The following NMBR variants were observed in gnomAD, a reference collection of about 807,000 sequenced individuals.
The protein encoded by NMBR is neuromedin B receptor.
NMBR carries 16 observed loss-of-function variants against 20.5 expected under a neutral mutation model. That is an observed-to-expected ratio of 0.78 (90% CI 0.53 to 1.19). NMBR has a LOEUF of 1.19. Ranked by LOEUF, NMBR falls within the 50% of genes most tolerant of loss-of-function variation. The pLI is 0.00. For missense variants in NMBR, 582 were observed against 499.1 expected (o/e 1.17, Z -1.58); for synonymous variants, 212 against 196.6 (o/e 1.08, Z -0.65).
chr6:142,145,893 T>G (rs1287391816), intron 1 of NMBR, among the ~76,000 whole-genome samples: 1 of 152,106 alleles, frequency 6.6e-6, no homozygotes, highest in Non-Finnish European at 1.5e-5. Context: ...AAGTTGATCT[T>G]TAAGGGCAGC....
At chr6:142,085,401 G>A (rs953689785) in intron 2 of NMBR, among the ~76,000 whole-genome samples, 3 of 152,128 alleles carry the variant, frequency 2.0e-5, no homozygotes, top group African/African-American at 7.2e-5. Context: ...GCGTGTGCCT[G>A]TAATCTCAGC....
intron 1 of NMBR, among the ~76,000 whole-genome samples, chr6:142,136,747 T>C (rs1778265413): frequency 6.6e-6 from 1 of 152,232 alleles, no homozygotes; most frequent in Non-Finnish European, 1.5e-5. Context: ...ATTTATTAAA[T>C]AGGGAATCCT....
At chr6:142,125,180 T>A (rs1034821165) in intron 1 of NMBR, among the ~76,000 whole-genome samples, 1 of 151,810 alleles carries the variant, frequency 6.6e-6, no homozygotes, top group East Asian at 1.9e-4. Context: ...AGTACCTAAA[T>A]TGACCTCTAT....
In NMBR at chr6:142,088,531, C is replaced by G. The variant is rs372711016; in HGVS notation, c.128G>C (p.Arg43Pro). 6.2e-7 allele frequency: 1 copy of G among 1,613,910 alleles called. No individual in the cohort carries two copies. Among genetic ancestry groups the G allele is most frequent in the Admixed American group, 1.7e-5 (1 of 59,984 alleles). Residue 43 changes from arginine (R) to proline (P), a missense_variant, in exon 2 of 4, where the codon CGC becomes CCC. Physicochemically the swap from Arg to Pro is moderately radical, Grantham distance 103. Coordinates refer to ENST00000258042, the MANE Select transcript of NMBR (RefSeq NM_002511.4). ...CAGGTAGAGGGACGGGATCACACAG[C>G]GGATCACCAACTCCGTGGTGGTCCC... ...SDGTTTELVIRCVIPSLYLLI... is the reference protein window; with the variant it reads ...SDGTTTELVIPCVIPSLYLLI...
At chr6:142,109,571 C>G (rs1001122630) in intron 1 of NMBR, among the ~76,000 whole-genome samples, 6 of 150,404 alleles carry the variant, frequency 4.0e-5, no homozygotes, top group Non-Finnish European at 7.4e-5. Flanking sequence ...CCTCTGCCTC[C>G]CAGGCCAATC....
chr6:142,134,151 A>G lies in NMBR; in HGVS notation c.-664+12893T>C. The G allele has an allele frequency of 6.0e-6, 3 of 502,310 alleles. No individual in the cohort carries two copies. The South Asian group carries it at 1.1e-4, about 19-fold the overall frequency. 31.1% of individuals were successfully genotyped at this position (502,310 alleles called of 1,614,324 possible). ...AACAGGTTTTTTGTTCCTAAGGATTATGTTACTTTTTCTTTAATTAGCTGT... is the reference window on the plus strand; with the variant it reads ...AACAGGTTTTTTGTTCCTAAGGATTGTGTTACTTTTTCTTTAATTAGCTGT... On this transcript the variant is annotated intron_variant, in intron 1 of 3. Coordinates refer to ENST00000258042, the MANE Select transcript of NMBR (RefSeq NM_002511.4).
chr6:142,146,705 T>C (rs142972456), intron 1 of NMBR, among the ~76,000 whole-genome samples: 1 of 152,346 alleles, frequency 6.6e-6, no homozygotes, highest in East Asian at 1.9e-4. Context: ...TTCATATGTT[T>C]AGCTTAATTT....
chr6:142,079,022 G>GAGAGAGAAAGAAAGAA, intron 2 of NMBR, 119 bp from the exon 3 acceptor site: 1 of 546,180 alleles, frequency 1.8e-6, no homozygotes, highest in Non-Finnish European at 3.0e-6. Flanking sequence ...GAAAGGGAGA[G>GAGAGAGAAAGAAAGAA]AGAGAGAAAG....
In NMBR at chr6:142,076,032, G is replaced by T; in HGVS notation, c.789C>A (p.Arg263=). 1 of 1,581,326 alleles carries T rather than the reference G, an allele frequency of 6.3e-7. No homozygotes were observed. Among genetic ancestry groups the T allele is most frequent in the Non-Finnish European group, 8.6e-7 (1 of 1,166,236 alleles). The change falls in exon 4 of 4, where the codon CGC becomes CGA. Residue 263 remains arginine (R), a synonymous_variant. Transcript: ENST00000258042. ...HTKKQMETRK[R]LAKIVLVFVG... is the part of the protein sequence containing the mutation. ...CAAAGACAAGCACAATTTTAGCCAG[G>T]CGTTTCCGTGTTTCCATCTGCAAAT... is the stretch of plus-strand genomic sequence containing the variant.
At chr6:142,122,134 C>T (rs1456748912) in intron 1 of NMBR, among the ~76,000 whole-genome samples, 4 of 151,946 alleles carry the variant, frequency 2.6e-5, no homozygotes, top group African/African-American at 9.7e-5. Context: ...AATAAAGTCA[C>T]TTTCCTTTCA....
chr6:142,134,663 T>C, intron 1 of NMBR: 1 of 695,552 alleles, frequency 1.4e-6, no homozygotes, highest in Non-Finnish European at 2.6e-6. Context: ...ATACTCTCTG[T>C]TTTATTAAGA....
intron 1 of NMBR, among the ~76,000 whole-genome samples, chr6:142,096,950 C>T (rs2114576560): frequency 6.6e-6 from 1 of 152,000 alleles, no homozygotes; most frequent in African/African-American, 2.4e-5. Flanking sequence ...CTCTATTGAT[C>T]TTTGTTGGTT....
chr6:142,133,919 G>C lies in NMBR; in HGVS notation c.-664+13125C>G, dbSNP rs377574229. On this transcript the variant is annotated intron_variant, in intron 1 of 3. Transcript: ENST00000258042. ...TGGATCGATCCGAATATTCTTCCTC[G>C]GGGTGCTAGGCTTTGCAGTTTATGG... The C allele has an allele frequency of 7.8e-4, 545 of 702,198 alleles. 3 individuals carry two copies. Among genetic ancestry groups the C allele is most frequent in the South Asian group, 7.7e-3 (519 of 67,556 alleles). 43.5% of individuals were successfully genotyped at this position (702,198 alleles called of 1,614,324 possible).
chr6:142,098,508 G>A (rs1478177935), intron 1 of NMBR, among the ~76,000 whole-genome samples: 1 of 152,034 alleles, frequency 6.6e-6, no homozygotes, highest in Non-Finnish European at 1.5e-5. Flanking sequence ...ATATACAAAA[G>A]TAAATCACTT....
intron 1 of NMBR, among the ~76,000 whole-genome samples, chr6:142,134,321 T>C (rs1184909219): frequency 6.6e-6 from 1 of 152,156 alleles, no homozygotes; most frequent in African/African-American, 2.4e-5. Flanking sequence ...TTATCAGTCA[T>C]TGAGAGGCAA....
chr6:142,142,092 T>C (rs1238945971), intron 1 of NMBR, among the ~76,000 whole-genome samples: 1 of 152,138 alleles, frequency 6.6e-6, no homozygotes, highest in African/African-American at 2.4e-5. Flanking sequence ...TCAATAAGTT[T>C]TTGATACTTA....
chr6:142,124,285 A>G (rs1432269223), intron 1 of NMBR, among the ~76,000 whole-genome samples: 5 of 151,944 alleles, frequency 3.3e-5, no homozygotes, highest in African/African-American at 4.8e-5. Context: ...TGTTGATTCA[A>G]GAACCCAAGT....
intron 1 of NMBR, among the ~76,000 whole-genome samples, chr6:142,107,224 A>G (rs1311645293): frequency 1.3e-5 from 2 of 152,152 alleles, no homozygotes; most frequent in East Asian, 3.8e-4. Flanking sequence ...TTGAGACTTG[A>G]CCCACTCTCT....
chr6:142,075,610 A>G lies in NMBR; in HGVS notation c.*38T>C, dbSNP rs372029137. 3.9e-6 allele frequency: 6 copies of G among 1,545,782 alleles called. No homozygotes were observed. Among genetic ancestry groups the G allele is most frequent in the Admixed American group, 3.9e-5 (2 of 51,670 alleles). On this transcript the variant is annotated 3_prime_UTR_variant, in exon 4 of 4. Transcript: ENST00000258042. ...CTGCCGAATAGGAATTTTAACAGTT[A>G]CTAAGTTCTCTCCAGGTAGTGAGTT...
Sources: allele counts gnomAD v4.1 joint callset (sites outside exome capture counted in the v4.1 genomes callset), GRCh38; gene constraint gnomAD v4.1.1; transcripts MANE v1.5; gene names NCBI Gene and HGNC (gene_info 2026-07-23, HGNC 2026-07-21).